Variants in ZNF277 observed in about 807,000 individuals in gnomAD.
ZNF277 encodes zinc finger protein 277, also known as nuclear receptor-interacting factor 4.
In ZNF277, 55 loss-of-function variants were observed where a neutral mutation model predicts 60.7. That is an observed-to-expected ratio of 0.91 (90% confidence interval 0.73 to 1.13). The LOEUF is 1.13. Among genes scored for constraint, ZNF277 ranks in the 50% most tolerant of loss-of-function variants. The probability of loss-of-function intolerance (pLI) is 0.00; values close to 1 mark genes in which losing one functional copy is unlikely to be tolerated. For missense variants in ZNF277, 510 were observed against 523.0 expected (o/e 0.98, Z 0.24); for synonymous variants, 178 against 179.3 (o/e 0.99, Z 0.06).
intron 1 of ZNF277, among the ~76,000 whole-genome samples, chr7:112,254,070 C>G (rs1007460108): frequency 6.6e-6 from 1 of 152,160 alleles, no homozygotes; most frequent in African/African-American, 2.4e-5. Context: ...ATTTTCTTTC[C>G]TTAAAAGAAA....
chr7:112,224,591 C>T (rs901731141), intron 1 of ZNF277, among the ~76,000 whole-genome samples: 2 of 152,132 alleles, frequency 1.3e-5, no homozygotes, highest in African/African-American at 4.8e-5. Context: ...CAGATATCAC[C>T]TGGGGGATGG....
In ZNF277 at chr7:112,286,841, C is replaced by CTTTTTTTTTTTT. The variant is rs10710470; in HGVS notation, c.92-24_92-13dup. The CTTTTTTTTTTTT allele has an allele frequency of 1.0e-3, 994 of 951,942 alleles. 22 individuals are homozygous for CTTTTTTTTTTTT. The highest frequency in any genetic ancestry group is 4.3e-3 in the African/African-American group (153 of 35,724). The allele number at this position is 951,942 out of a possible 1,614,324, so 59.0% of individuals were successfully genotyped here. ...AGTTGGTTTCAGCTTTTCTTTCTTT[C>CTTTTTTTTTTTT]TTTTTTTTTTTTTTTTTTTGGTCTA... On this transcript the variant is annotated intron_variant, in intron 1 of 11. Coordinates refer to ENST00000361822, the MANE Select transcript of ZNF277 (RefSeq NM_021994.3).
chr7:112,214,157 C>T (rs893206884), intron 1 of ZNF277, among the ~76,000 whole-genome samples: 3 of 152,106 alleles, frequency 2.0e-5, no homozygotes, highest in Admixed American at 1.3e-4. Context: ...ATAGTGCTGC[C>T]CTTTACAATA....
chr7:112,232,621 A>T (rs1385897645), intron 1 of ZNF277, among the ~76,000 whole-genome samples: 1 of 152,202 alleles, frequency 6.6e-6, no homozygotes, highest in African/African-American at 2.4e-5. Flanking sequence ...ACTTTCCTCA[A>T]GATCCCCTTG....
intron 1 of ZNF277, among the ~76,000 whole-genome samples, chr7:112,261,254 A>G (rs1360606470): frequency 6.6e-6 from 1 of 152,212 alleles, no homozygotes; most frequent in Admixed American, 6.5e-5. Context: ...AAGTGATGGA[A>G]ATGAAGTTTC....
intron 5 of ZNF277, among the ~76,000 whole-genome samples, chr7:112,319,664 TATA>T (rs1343413864): frequency 6.8e-6 from 1 of 147,286 alleles, no homozygotes; most frequent in Non-Finnish European, 1.5e-5. Flanking sequence ...ATATAATATA[TATA>T]ATATATATTA....
chr7:112,271,977 T>G (rs888506267), intron 1 of ZNF277, among the ~76,000 whole-genome samples: 2 of 152,212 alleles, frequency 1.3e-5, no homozygotes, highest in Non-Finnish European at 2.9e-5. Flanking sequence ...GATTTTTAAA[T>G]GTACAGTACA....
chr7:112,288,372 C>T (rs551099836), intron 2 of ZNF277: 77 of 152,268 alleles, frequency 5.1e-4, no homozygotes, highest in African/African-American at 1.7e-3. Flanking sequence ...CTCTGTTTCT[C>T]CCAGGCCATA....
intron 2 of ZNF277, chr7:112,288,443 A>G (rs1792120241): frequency 1.3e-5 from 2 of 152,202 alleles, no homozygotes; most frequent in South Asian, 4.1e-4. Context: ...AGCAAGCTGT[A>G]TTATTAAGAG....
At chr7:112,245,339 G>C (rs1791060001) in intron 1 of ZNF277, among the ~76,000 whole-genome samples, 1 of 152,194 alleles carries the variant, frequency 6.6e-6, no homozygotes, top group African/African-American at 2.4e-5. Flanking sequence ...AGTTGAAGCT[G>C]CAACCACCCT....
intron 1 of ZNF277, among the ~76,000 whole-genome samples, chr7:112,244,537 T>C (rs1791035777): frequency 6.6e-6 from 1 of 152,118 alleles, no homozygotes; most frequent in African/African-American, 2.4e-5. Flanking sequence ...ATCAGTGACT[T>C]TTACTTCTTT....
chr7:112,239,256 G>A (rs1790882219), intron 1 of ZNF277, among the ~76,000 whole-genome samples: 1 of 152,170 alleles, frequency 6.6e-6, no homozygotes, highest in Admixed American at 6.5e-5. Context: ...AAAGTTTCCA[G>A]TTCTAAGCCC....
At chr7:112,226,663 T>C (rs1822184156) in intron 1 of ZNF277, among the ~76,000 whole-genome samples, 1 of 152,198 alleles carries the variant, frequency 6.6e-6, no homozygotes, top group Non-Finnish European at 1.5e-5. Flanking sequence ...TTTAAGGTTA[T>C]GAAAATTTAA....
At chr7:112,271,289 G>A (rs1791664463) in intron 1 of ZNF277, among the ~76,000 whole-genome samples, 1 of 152,082 alleles carries the variant, frequency 6.6e-6, no homozygotes, top group South Asian at 2.1e-4. Context: ...AAAATGCTAG[G>A]AATAAAATCT....
chr7:112,238,152 G>T (rs1790852297), intron 1 of ZNF277, among the ~76,000 whole-genome samples: 1 of 152,174 alleles, frequency 6.6e-6, no homozygotes, highest in African/African-American at 2.4e-5. Context: ...AACGAAAAAG[G>T]CACTGAATAG....
intron 4 of ZNF277, among the ~76,000 whole-genome samples, chr7:112,298,993 T>C (rs916442068): frequency 1.3e-5 from 2 of 152,192 alleles, no homozygotes; most frequent in Admixed American, 1.3e-4. Flanking sequence ...GACAAGTCTG[T>C]GTAGGGAGGG....
At chr7:112,316,012 C>A (rs1465902706) in intron 4 of ZNF277, among the ~76,000 whole-genome samples, 1 of 152,060 alleles carries the variant, frequency 6.6e-6, no homozygotes, top group Admixed American at 6.6e-5. Flanking sequence ...CAATGGGTAC[C>A]TTCTGAGAAA....
chr7:112,238,810 T>TTTTTTTTTGAGACGGAGTCTCGCTCTG (rs1250825265), intron 1 of ZNF277, among the ~76,000 whole-genome samples: 6 of 151,428 alleles, frequency 4.0e-5, no homozygotes, highest in African/African-American at 1.2e-4. Context: ...TTTTTTTTAT[T>TTTTTTTTTGAGACGGAGTCTCGCTCTG]TCAATAGATT....
At chr7:112,258,264 C>T (rs1399556737) in intron 1 of ZNF277, among the ~76,000 whole-genome samples, 4 of 151,768 alleles carry the variant, frequency 2.6e-5, no homozygotes, top group African/African-American at 9.7e-5. Context: ...TATGAATATA[C>T]AGAAGCCTTT....
Sources: allele counts gnomAD v4.1 joint callset (sites outside exome capture counted in the v4.1 genomes callset), GRCh38; gene constraint gnomAD v4.1.1; transcripts MANE v1.5; gene names NCBI Gene and HGNC (gene_info 2026-07-23, HGNC 2026-07-21).